The following SYT7 variants were observed in gnomAD, a reference collection of about 807,000 sequenced individuals.
SYT7 encodes synaptotagmin-7.
Under a neutral mutation model 75.1 loss-of-function variants are expected in SYT7, and 29 were observed. The ratio of observed to expected loss-of-function variants is 0.39; its 90% confidence interval spans 0.29 to 0.53. SYT7 has a LOEUF of 0.53. Ranked by LOEUF, SYT7 falls within the 20% of genes least tolerant of loss-of-function variation. The probability of loss-of-function intolerance (pLI) is 0.77; values close to 1 mark genes in which losing one functional copy is unlikely to be tolerated. For synonymous variants in SYT7, 376 were observed against 401.7 expected (o/e 0.94, Z 0.76); for missense variants, 693 against 953.2 (o/e 0.73, Z 3.59).
chr11:61,546,405 G>C lies in SYT7; in HGVS notation c.348-150C>G. The stretch of plus-strand genomic sequence containing the variant: ...AGAAAGAGACAGTGAGAGAGGAGGA[G>C]GAGAGAGACAGACGGACATGAGACA... On this transcript the variant is annotated intron_variant, in intron 4 of 12. Coordinates refer to ENST00000539008, the MANE Select transcript of SYT7 (RefSeq NM_001365809.2). This position sits in a 1 kb window ranked among gnomAD's most constrained non-coding sequence, Gnocchi z 7.6. 1.7e-6 allele frequency: 1 copy of C among 587,244 alleles called. No individual in the cohort carries two copies. Among genetic ancestry groups the C allele is most frequent in the Non-Finnish European group, 3.0e-6 (1 of 337,844 alleles). 36.4% of individuals were successfully genotyped at this position (587,244 alleles called of 1,614,324 possible).
Position 61,514,490 on chromosome 11 carries a change from A to C in SYT7, c.*4137T>G, listed in dbSNP as rs1008903416. Among the ~76,000 whole-genome samples the C allele has an allele frequency of 4.6e-5, 7 of 152,326 alleles. No individual in the cohort carries two copies. The East Asian group carries it at 1.3e-3, about 29-fold the overall frequency. ...GGGGCAGGGGCCAGCAGGTGGACACATGACAATGGGGATGTGCTCGTTCCT... is the reference window on the plus strand; with the variant it reads ...GGGGCAGGGGCCAGCAGGTGGACACCTGACAATGGGGATGTGCTCGTTCCT... On this transcript the variant is annotated 3_prime_UTR_variant, in exon 13 of 13. Transcript: ENST00000539008.
intron 1 of SYT7, among the ~76,000 whole-genome samples, chr11:61,565,850 C>A (rs1330946811): frequency 6.6e-6 from 1 of 152,254 alleles, no homozygotes; most frequent in African/African-American, 2.4e-5. Context: ...GCTTCCTCAA[C>A]CTTGACTGTA....
intron 3 of SYT7, among the ~76,000 whole-genome samples, chr11:61,548,254 C>T (rs186898096): frequency 2.4e-3 from 366 of 152,354 alleles, no homozygotes; most frequent in Non-Finnish European, 4.2e-3. Context: ...TGTCCCTGGC[C>T]TGCCTGCTGG....
chr11:61,567,197 G>T (rs980362833), intron 1 of SYT7, among the ~76,000 whole-genome samples: 5 of 152,180 alleles, frequency 3.3e-5, no homozygotes, highest in African/African-American at 1.2e-4. Context: ...CCAGTTGTGT[G>T]ACCTCAGGCT....
At chr11:61,540,602 A>AT in intron 6 of SYT7, 1 of 985,524 alleles carries the variant, frequency 1.0e-6, no homozygotes, top group Non-Finnish European at 1.2e-6. Context: ...TGTTGCATGC[A>AT]TGATGCTGGA....
intron 1 of SYT7, among the ~76,000 whole-genome samples, chr11:61,563,475 C>G (rs139554857): frequency 0.011 from 1,715 of 152,306 alleles, 108 homozygotes; most frequent in Admixed American, 0.098. Context: ...TCTCCACAAC[C>G]TCGGACCATT....
rs760661897 is a variant in SYT7, at chr11:61,538,204, T to C, written c.1004A>G (p.Asn335Ser). The C allele has an allele frequency of 3.9e-6, 6 of 1,536,024 alleles. No individual in the cohort carries two copies. Among genetic ancestry groups the C allele is most frequent in the East Asian group, 4.9e-5 (2 of 40,882 alleles). The stretch of plus-strand genomic sequence containing the variant: ...TCCTGGGTTTTGCAGGTCAGGGATA[T>C]TGGCAAAGTCATCCTGTTCCGAAAG... Reference protein sequence around the residue: ...LGLSEQDDFANIPDLQNPGTQ... With the variant: ...LGLSEQDDFASIPDLQNPGTQ... Residue 335 changes from asparagine (N) to serine (S), a missense_variant, in exon 7 of 13, where the codon AAT (asparagine) becomes AGT (serine). By Grantham distance (46) the Asn-to-Ser change is conservative. Coordinates refer to ENST00000539008, the MANE Select transcript of SYT7 (RefSeq NM_001365809.2).
At position 61,518,485 on chromosome 11, in the gene SYT7, A is replaced by T. The variant is rs908623804; in HGVS notation, c.*142T>A. 65 of 521,112 alleles carry T rather than the reference A, an allele frequency of 1.2e-4. No homozygotes were observed. Among genetic ancestry groups the T allele is most frequent in the African/African-American group, 1.2e-3 (61 of 50,930 alleles). The allele number at this position is 521,112 out of a possible 1,614,324, so 32.3% of individuals were successfully genotyped here. A position where few individuals can be genotyped will look rare whatever the true frequency, so the allele number is the denominator to read the frequency against. ...ACTTCCTAGAAACGGGGCCCAGTTG[A>T]GTCCTGGGACCCCTCCCTGGCTGAG... is the stretch of plus-strand genomic sequence containing the variant. On this transcript the variant is annotated 3_prime_UTR_variant, in exon 13 of 13. Transcript: ENST00000539008.
rs1337842401 is a variant in SYT7 at position 61,546,972 on chromosome 11, C to A, written c.347+205G>T. 6.6e-6 allele frequency among the ~76,000 whole-genome samples: 1 copy of A among 151,602 alleles called. No individual in the cohort carries two copies. The highest frequency in any genetic ancestry group is 1.5e-5 in the Non-Finnish European group (1 of 67,888). ...CTGGCCCTGGGGGAGGGGACGGGAG[C>A]GGGCAGGCAGGTGGGTTGGGGCAGG... On this transcript the variant is annotated intron_variant, in intron 4 of 12. Coordinates refer to ENST00000539008, the MANE Select transcript of SYT7 (RefSeq NM_001365809.2). This position sits in a 1 kb window ranked among gnomAD's most constrained non-coding sequence, Gnocchi z 7.6.
At position 61,546,528 on chromosome 11, in the gene SYT7, A is replaced by C; in HGVS notation, c.348-273T>G. The C allele has an allele frequency of 2.4e-6, 1 of 411,300 alleles. No individual in the cohort carries two copies. Among genetic ancestry groups the C allele is most frequent in the Non-Finnish European group, 4.7e-6 (1 of 214,704 alleles). 25.5% of individuals were successfully genotyped at this position (411,300 alleles called of 1,614,324 possible). A position where few individuals can be genotyped will look rare whatever the true frequency, so the allele number is the denominator to read the frequency against. ...CCGGGCGGGCTGGGGGTCGGAGAACAACGCACCACGACAACGGAGGGGGGG... is the reference window on the plus strand; with the variant it reads ...CCGGGCGGGCTGGGGGTCGGAGAACCACGCACCACGACAACGGAGGGGGGG... On this transcript the variant is annotated intron_variant, in intron 4 of 12. Coordinates refer to ENST00000539008, the MANE Select transcript of SYT7 (RefSeq NM_001365809.2). The surrounding 1 kb of genome is among the most constrained non-coding windows in gnomAD (Gnocchi z 7.6).
At chr11:61,525,583 CTT>C (rs143160885) in intron 9 of SYT7, 1 of 152,032 alleles carries the variant, frequency 6.6e-6, no homozygotes, top group African/African-American at 2.4e-5. Flanking sequence ...GCTCTAGCAC[CTT>C]TTTTTCCGCA....
chr11:61,535,829 G>A (rs905588660), intron 7 of SYT7, among the ~76,000 whole-genome samples: 1 of 152,184 alleles, frequency 6.6e-6, no homozygotes, highest in African/African-American at 2.4e-5. Flanking sequence ...ATCTGGTCAA[G>A]GGGTCAGCTG....
rs2062136621 is a variant in SYT7, at chr11:61,515,864, T to C, written c.*2763A>G. 1 of 152,700 alleles carries C rather than the reference T, an allele frequency of 6.5e-6. No individual in the cohort carries two copies. Among genetic ancestry groups the C allele is most frequent in the Admixed American group, 6.5e-5 (1 of 15,272 alleles). The allele number at this position is 152,700 out of a possible 1,614,324, so 9.5% of individuals were successfully genotyped here. A position where few individuals can be genotyped will look rare whatever the true frequency, so the allele number is the denominator to read the frequency against. ...TGGGCCTGCGTTGGCCTCAGCTAGCTCTGGAGGCTCTGTGGGGGAGGGGCA... is the reference window on the plus strand; with the variant it reads ...TGGGCCTGCGTTGGCCTCAGCTAGCCCTGGAGGCTCTGTGGGGGAGGGGCA... On this transcript the variant is annotated 3_prime_UTR_variant, in exon 13 of 13. Coordinates refer to ENST00000539008, the MANE Select transcript of SYT7 (RefSeq NM_001365809.2).
rs752785972 is a variant in SYT7 at position 61,523,907 on chromosome 11, T to C, written c.1676A>G (p.Tyr559Cys). The C allele has an allele frequency of 2.5e-6, 4 of 1,613,982 alleles. No individual in the cohort carries two copies. The highest frequency in any genetic ancestry group is 3.4e-6 in the Non-Finnish European group (4 of 1,179,950). ...SRGELLLSLC[Y>C]NPSANSIIVN... ...GATGATGGAGTTGGCAGAGGGGTTG[T>C]AGCAGAGAGACAAGAGCAGCTCCCC... Residue 559 changes from tyrosine to cysteine, a missense_variant, in exon 11 of 13, where the codon TAC (tyrosine) becomes TGC (cysteine). Around this residue, in one of 2 missense-constraint regions of SYT7, gnomAD observed 206 missense variants for 360.0 expected, o/e 0.57. Transcript: ENST00000539008. This position sits in a 1 kb window ranked among gnomAD's most constrained non-coding sequence, Gnocchi z 5.0.
In SYT7 at chr11:61,546,341, G is replaced by A. The variant is rs2063189434; in HGVS notation, c.348-86C>T. On this transcript the variant is annotated intron_variant, in intron 4 of 12. Coordinates refer to ENST00000539008, the MANE Select transcript of SYT7 (RefSeq NM_001365809.2). The surrounding 1 kb of genome is among the most constrained non-coding windows in gnomAD (Gnocchi z 7.6). ...AGGGCAGGCCATACGTGGGGGTCGGGGGGTGGAAGAGGAAGAAAAACAATA... is the reference window on the plus strand; with the variant it reads ...AGGGCAGGCCATACGTGGGGGTCGGAGGGTGGAAGAGGAAGAAAAACAATA... 1 of 899,018 alleles carries A rather than the reference G, an allele frequency of 1.1e-6. No homozygotes were observed. The highest frequency in any genetic ancestry group is 1.6e-6 in the Non-Finnish European group (1 of 625,616). 55.7% of individuals were successfully genotyped at this position (899,018 alleles called of 1,614,324 possible).
intron 1 of SYT7, among the ~76,000 whole-genome samples, chr11:61,561,785 A>G (rs1458996522): frequency 6.6e-6 from 1 of 152,208 alleles, no homozygotes; most frequent in African/African-American, 2.4e-5. Context: ...AGGGTCCACA[A>G]AGAAAGGGGC....
At chr11:61,568,671 G>A (rs2063840014) in intron 1 of SYT7, among the ~76,000 whole-genome samples, 1 of 152,154 alleles carries the variant, frequency 6.6e-6, no homozygotes, top group Non-Finnish European at 1.5e-5. Flanking sequence ...ATCCTTCCAT[G>A]TTCTAGAGGC....
Position 61,517,861 on chromosome 11 carries a change from T to A in SYT7, c.*766A>T. ...GGGAGAAGGGGAGGAGACGGGGGGATGGCAGGAGGCAGCCCAGTTCTCAGC... is the reference window on the plus strand; with the variant it reads ...GGGAGAAGGGGAGGAGACGGGGGGAAGGCAGGAGGCAGCCCAGTTCTCAGC... On this transcript the variant is annotated 3_prime_UTR_variant, in exon 13 of 13. Coordinates refer to ENST00000539008, the MANE Select transcript of SYT7 (RefSeq NM_001365809.2). The A allele has an allele frequency of 9.0e-6, 2 of 223,142 alleles. No individual in the cohort carries two copies. The highest frequency in any genetic ancestry group is 1.4e-3 in the Middle Eastern group (1 of 706). 13.8% of individuals were successfully genotyped at this position (223,142 alleles called of 1,614,324 possible). A position where few individuals can be genotyped will look rare whatever the true frequency, so the allele number is the denominator to read the frequency against.
chr11:61,547,159 C>CCAGGTAAAGTCACTCACTTGAGGGACAGT lies in SYT7; in HGVS notation c.336_347+17dup, dbSNP rs1565189019. The CCAGGTAAAGTCACTCACTTGAGGGACAGT allele has an allele frequency of 1.3e-6, 2 of 1,534,660 alleles. No individual in the cohort carries two copies. Among genetic ancestry groups the CCAGGTAAAGTCACTCACTTGAGGGACAGT allele is most frequent in the Admixed American group, 2.0e-5 (1 of 50,968 alleles). ...CGGATACTCGGTACATATGATCAAA[C>CCAGGTAAAGTCACTCACTTGAGGGACAGT]CAGGTAAAGTCACTCACTTGAGGGA... On this transcript the variant is annotated intron_variant, in intron 4 of 12. Transcript: ENST00000539008.
Sources: allele counts gnomAD v4.1 joint callset (sites outside exome capture counted in the v4.1 genomes callset), GRCh38; gene constraint gnomAD v4.1.1; regional missense constraint gnomAD v4.1.1; non-coding constraint Gnocchi (gnomAD v3.1); transcripts MANE v1.5; gene names NCBI Gene and HGNC (gene_info 2026-07-23, HGNC 2026-07-21).